The following WDR47 variants were observed in gnomAD, a reference collection of about 807,000 sequenced individuals.
WDR47 encodes the protein WD repeat domain 47.
WDR47 carries 32 observed loss-of-function variants against 97.2 expected under a neutral mutation model. The observed-to-expected ratio is 0.33, with a 90% CI of 0.25 to 0.44. The LOEUF (loss-of-function observed/expected upper bound fraction) is 0.44. Among genes scored for constraint, WDR47 ranks in the 20% least tolerant of loss-of-function variants. WDR47 has a pLI of 1.00. For missense variants in WDR47, 782 were observed against 1,102.3 expected (o/e 0.71, Z 4.11); for synonymous variants, 375 against 373.5 (o/e 1.00, Z -0.05).
At chr1:109,017,704 CAAT>C (rs1462764370) in intron 2 of WDR47, 103 bp from the exon 3 acceptor site, 3 of 854,412 alleles carry the variant, frequency 3.5e-6, no homozygotes, top group African/African-American at 3.5e-5. Flanking sequence ...ATAAAGCACA[CAAT>C]GAGATTAACA....
At chr1:109,033,652 G>A (rs555116315) in intron 1 of WDR47, among the ~76,000 whole-genome samples, 1 of 152,372 alleles carries the variant, frequency 6.6e-6, no homozygotes, top group Admixed American at 6.5e-5. Context: ...CAGATGTGGT[G>A]GCTCATGCCT....
rs1165484290 is a variant in WDR47, at chr1:108,986,566, T to C, written c.1882A>G (p.Lys628Glu). ...GGLYAVGSNS[K>E]TLRVCAYPDV... ...GGATAGGCACATACTCTCAGAGTTT[T>C]TGAATTTGAACCAACAGCATATAAA... Residue 628 changes from lysine (K) to glutamate (E), a missense_variant, in exon 10 of 15, where the codon AAA becomes GAA. Lys to Glu is a moderately conservative substitution (Grantham distance 56). This residue lies in a region of WDR47 where 228 missense variants were observed against 396.7 expected (regional missense o/e 0.57). Transcript: ENST00000369962. 6.2e-7 allele frequency: 1 copy of C among 1,613,764 alleles called. No homozygotes were observed. The highest frequency in any genetic ancestry group is 1.7e-5 in the Admixed American group (1 of 59,988).
intron 13 of WDR47, among the ~76,000 whole-genome samples, chr1:108,977,297 G>A (rs1314774380): frequency 6.6e-6 from 1 of 151,870 alleles, no homozygotes; most frequent in Admixed American, 6.6e-5. Flanking sequence ...GATTACAGGC[G>A]CCCACCACCA....
In WDR47 at chr1:108,971,439, G is replaced by GT. The variant is rs1657448808; in HGVS notation, c.2750dup (p.Tyr917Ter). The change falls in exon 15 of 15, where the codon TAC becomes TAAC. Residue 917 changes from tyrosine to a stop codon, truncating the protein, a stop_gained and frameshift_variant. Transcript: ENST00000369962. LOFTEE classifies it high-confidence loss of function. The part of the protein sequence containing the change: ...SADRTVTLWT[Y>*]NG ...TGACATGCGGTGTGCTCTACCCATT[G>GT]TAAGTCCAGAGGGTGACAGTTCTAT... 6.2e-7 allele frequency: 1 copy of GT among 1,614,094 alleles called. No homozygotes were observed. Among genetic ancestry groups the GT allele is most frequent in the African/African-American group, 1.3e-5 (1 of 74,938 alleles).
chr1:109,029,491 CT>C (rs2102025117), intron 1 of WDR47, among the ~76,000 whole-genome samples: 1 of 152,098 alleles, frequency 6.6e-6, no homozygotes, highest in East Asian at 1.9e-4. Context: ...AAAACCCTGT[CT>C]CTACTGAAAA....
chr1:108,981,587 A>G, intron 13 of WDR47, 146 bp downstream of exon 13: 1 of 763,798 alleles, frequency 1.3e-6, no homozygotes, highest in Non-Finnish European at 2.0e-6. Flanking sequence ...AAATGCAAGT[A>G]TTGTGAAAGA....
chr1:109,021,527 CAAA>C (rs370414324), intron 2 of WDR47, among the ~76,000 whole-genome samples: 1 of 123,856 alleles, frequency 8.1e-6, no homozygotes, highest in Admixed American at 8.8e-5. Flanking sequence ...GCCTCTATCT[CAAA>C]AAAAAAAAAA....
chr1:108,985,681 A>G (rs1239150443), intron 10 of WDR47, among the ~76,000 whole-genome samples: 2 of 152,196 alleles, frequency 1.3e-5, no homozygotes, highest in Admixed American at 6.5e-5. Flanking sequence ...TTCACAGCCT[A>G]TGAAACATCT....
Position 109,008,364 on chromosome 1 carries a change from G to A in WDR47, c.1130+2552C>T, listed in dbSNP as rs557046206. Among the ~76,000 whole-genome samples, 228 of 151,588 alleles carry A rather than the reference G, an allele frequency of 1.5e-3. 1 individual carries two copies. The highest frequency in any genetic ancestry group is 5.3e-3 in the African/African-American group (221 of 41,314). ...CTGCTCACTACACCTCTGCCTCCCA[G>A]GCTCAAGTGATTCTCCTGCCTCGGC... On this transcript the variant is annotated intron_variant, in intron 5 of 14. Coordinates refer to ENST00000369962, the MANE Select transcript of WDR47 (RefSeq NM_001142551.2).
At chr1:108,974,259 G>T (rs1397317251) in intron 14 of WDR47, among the ~76,000 whole-genome samples, 2 of 152,194 alleles carry the variant, frequency 1.3e-5, no homozygotes, top group Non-Finnish European at 1.5e-5. Flanking sequence ...GGAGACGAAG[G>T]CGGATGGATC....
At chr1:108,978,696 G>A (rs925362528) in intron 13 of WDR47, among the ~76,000 whole-genome samples, 1 of 152,146 alleles carries the variant, frequency 6.6e-6, no homozygotes. Context: ...GCCAGCAAAA[G>A]AATAATACCC....
chr1:109,028,439 T>C (rs1051474151), intron 1 of WDR47, among the ~76,000 whole-genome samples: 1 of 134,088 alleles, frequency 7.5e-6, no homozygotes, highest in Non-Finnish European at 1.5e-5. Context: ...CTTGAACTCC[T>C]GAGCTCAAGC....
At position 108,971,850 on chromosome 1, in the gene WDR47, T is replaced by C. The variant is rs77573458; in HGVS notation, c.2618-278A>G. On this transcript the variant is annotated intron_variant, in intron 14 of 14. Transcript: ENST00000369962. The stretch of plus-strand genomic sequence containing the variant: ...TCTCCCTGATTTCAGTGCCACTTCA[T>C]CTTTTGCTAGTTTCCCTTTTCTTCT... Among the ~76,000 whole-genome samples the C allele has an allele frequency of 8.4e-3, 1,273 of 152,254 alleles. 17 individuals carry two copies. Among genetic ancestry groups the C allele is most frequent in the African/African-American group, 0.029 (1,216 of 41,548 alleles).
At chr1:109,019,447 C>T (rs963567389) in intron 2 of WDR47, among the ~76,000 whole-genome samples, 1 of 150,858 alleles carries the variant, frequency 6.6e-6, no homozygotes, top group African/African-American at 2.4e-5. Flanking sequence ...TGTTAGGAGG[C>T]TGAGGCACCA....
Position 109,017,516 on chromosome 1 carries a change from AC to A in WDR47, c.242+1del. On this transcript the variant is annotated splice_donor_variant, in intron 3 of 14. Coordinates refer to ENST00000369962, the MANE Select transcript of WDR47 (RefSeq NM_001142551.2). LOFTEE classifies it high-confidence loss of function. ...CACTAAAAACTTTAGATAAAATCTT[AC>A]CTTTTTTTGTCAAATTTTTCCATAC... 1 of 1,607,950 alleles carries A rather than the reference AC, an allele frequency of 6.2e-7. No individual in the cohort carries two copies. The highest frequency in any genetic ancestry group is 8.5e-7 in the Non-Finnish European group (1 of 1,177,702).
intron 1 of WDR47, among the ~76,000 whole-genome samples, chr1:109,032,131 G>A (rs1662643130): frequency 7.2e-6 from 1 of 138,734 alleles, no homozygotes. Flanking sequence ...AAGGACTAAG[G>A]TATGTGTGTT....
At chr1:109,024,390 C>T (rs1662060128) in intron 1 of WDR47, among the ~76,000 whole-genome samples, 1 of 151,420 alleles carries the variant, frequency 6.6e-6, no homozygotes. Context: ...GAGATCAAGG[C>T]TGCAGTGAGC....
At chr1:108,993,077 T>G (rs1346065698) in intron 8 of WDR47, among the ~76,000 whole-genome samples, 11 of 151,970 alleles carry the variant, frequency 7.2e-5, no homozygotes, top group African/African-American at 2.7e-4. Flanking sequence ...AATTCCAGAG[T>G]AGAAGGAGCA....
chr1:108,991,769 A>T (rs151222424), intron 8 of WDR47, among the ~76,000 whole-genome samples: 1 of 152,304 alleles, frequency 6.6e-6, no homozygotes, highest in African/African-American at 2.4e-5. Context: ...GCCAACAAGC[A>T]GACAGATCCA....
Sources: allele counts gnomAD v4.1 joint callset (sites outside exome capture counted in the v4.1 genomes callset), GRCh38; gene constraint gnomAD v4.1.1; regional missense constraint gnomAD v4.1.1; transcripts MANE v1.5; gene names NCBI Gene and HGNC (gene_info 2026-07-23, HGNC 2026-07-21).